The following SCD5 variants were observed in gnomAD, a reference collection of about 807,000 sequenced individuals.
SCD5 encodes acyl-CoA-desaturase 4.
In SCD5, 20 loss-of-function variants were observed where a neutral mutation model predicts 30.4. The observed-to-expected ratio is 0.66, with a 90% CI of 0.46 to 0.96. The LOEUF (loss-of-function observed/expected upper bound fraction) is 0.96. Ranked by LOEUF, SCD5 falls within the 40% of genes least tolerant of loss-of-function variation. SCD5 has a pLI of 0.00. For missense variants in SCD5, 381 were observed against 443.3 expected, an observed-to-expected ratio of 0.86 and a Z score of 1.26; for synonymous variants, 173 against 176.4, an observed-to-expected ratio of 0.98 and a Z score of 0.16.
chr4:82,747,069 G>GCCCCCCCCCCCCCCC lies in SCD5; in HGVS notation c.233-41657_233-41656insGGGGGGGGGGGGGGG, dbSNP rs151046123. On this transcript the variant is annotated intron_variant, in intron 1 of 4. Transcript: ENST00000319540. ...AGTTAGAGAAAAGTCTGGGCAACCT[G>GCCCCCCCCCCCCCCC]CCCCCCAAGAAAGACGACCTTCCCA... is the stretch of plus-strand genomic sequence containing the variant. 1.4e-4 allele frequency among the ~76,000 whole-genome samples: 20 copies of GCCCCCCCCCCCCCCC among 139,648 alleles called. 2 individuals carry two copies. Among genetic ancestry groups the GCCCCCCCCCCCCCCC allele is most frequent in the Non-Finnish European group, 2.6e-4 (16 of 61,846 alleles). 91.6% of individuals were successfully genotyped at this position (139,648 alleles called of 152,430 possible).
rs1261060335 is a variant in SCD5 at position 82,630,579 on chromosome 4, C to T, written c.*748G>A. 1 of 152,144 alleles carries T rather than the reference C, an allele frequency of 6.6e-6. No homozygotes were observed. The highest frequency in any genetic ancestry group is 1.5e-5 in the Non-Finnish European group (1 of 68,030). The allele number at this position is 152,144 out of a possible 1,614,324, so 9.4% of individuals were successfully genotyped here. A position where few individuals can be genotyped will look rare whatever the true frequency, so the allele number is the denominator to read the frequency against. ...AGCATCATGTTCAAGCACATGACAACGTATATTTGACGTATTTTAGCTATA... is the reference window on the plus strand; with the variant it reads ...AGCATCATGTTCAAGCACATGACAATGTATATTTGACGTATTTTAGCTATA... On this transcript the variant is annotated 3_prime_UTR_variant, in exon 5 of 5. Coordinates refer to ENST00000319540, the MANE Select transcript of SCD5 (RefSeq NM_001037582.3).
At chr4:82,783,167 C>T (rs921442703) in intron 1 of SCD5, among the ~76,000 whole-genome samples, 1 of 152,206 alleles carries the variant, frequency 6.6e-6, no homozygotes, top group African/African-American at 2.4e-5. Context: ...ACACTGTGCA[C>T]TTCAGTACAA....
chr4:82,671,364 A>C (rs1448116242), intron 3 of SCD5, among the ~76,000 whole-genome samples: 3 of 152,204 alleles, frequency 2.0e-5, no homozygotes, highest in Non-Finnish European at 1.5e-5. Context: ...GACATAGTTA[A>C]ATTCAACAAC....
At chr4:82,660,617 A>AC (rs1055923648) in intron 3 of SCD5, 1 of 1,333,764 alleles carries the variant, frequency 7.5e-7, no homozygotes, top group Admixed American at 3.2e-5. Flanking sequence ...TATCATTATT[A>AC]CCCTGCTCTA....
chr4:82,676,398 C>T (rs900194439), intron 3 of SCD5, among the ~76,000 whole-genome samples: 2 of 152,200 alleles, frequency 1.3e-5, no homozygotes, highest in Admixed American at 1.3e-4. Context: ...TTGCAGGTTT[C>T]AAGCTAGGAG....
At chr4:82,723,633 C>A (rs1031506236) in intron 1 of SCD5, among the ~76,000 whole-genome samples, 21 of 152,310 alleles carry the variant, frequency 1.4e-4, no homozygotes, top group Admixed American at 3.3e-4. Context: ...TTGACACCTT[C>A]TGATGATGAA....
intron 1 of SCD5, among the ~76,000 whole-genome samples, chr4:82,728,637 G>A (rs958147537): frequency 2.0e-5 from 3 of 152,036 alleles, no homozygotes; most frequent in African/African-American, 7.3e-5. Flanking sequence ...CAGACTCAGT[G>A]CAAAAGGACC....
At chr4:82,638,716 G>C (rs1727481719) in intron 3 of SCD5, among the ~76,000 whole-genome samples, 1 of 152,160 alleles carries the variant, frequency 6.6e-6, no homozygotes, top group Non-Finnish European at 1.5e-5. Flanking sequence ...CAAACAGCTG[G>C]GGTGAAAAGC....
intron 1 of SCD5, among the ~76,000 whole-genome samples, chr4:82,713,455 T>C (rs989134445): frequency 1.3e-5 from 2 of 152,246 alleles, no homozygotes; most frequent in African/African-American, 4.8e-5. Flanking sequence ...AGATTTTGGA[T>C]CGTTCCAGGA....
At chr4:82,705,150 C>G (rs1719941110) in intron 2 of SCD5, 133 bp downstream of exon 2, 2 of 1,136,976 alleles carry the variant, frequency 1.8e-6, no homozygotes, top group Admixed American at 2.4e-5. Context: ...AAACTTGGGA[C>G]AGACTGGGCG....
At chr4:82,663,263 G>C (rs181148512) in intron 3 of SCD5, among the ~76,000 whole-genome samples, 2 of 152,190 alleles carry the variant, frequency 1.3e-5, no homozygotes. Context: ...TACCACACAA[G>C]TAGATAAGAA....
intron 1 of SCD5, among the ~76,000 whole-genome samples, chr4:82,797,579 A>C (rs146994118): frequency 1.1e-3 from 164 of 151,906 alleles, no homozygotes; most frequent in African/African-American, 3.6e-3. Flanking sequence ...GCCACATGGG[A>C]ACAGGGTTTG....
At chr4:82,663,483 A>T (rs188797052) in intron 3 of SCD5, among the ~76,000 whole-genome samples, 1 of 152,308 alleles carries the variant, frequency 6.6e-6, no homozygotes, top group African/African-American at 2.4e-5. Flanking sequence ...GCTACTGGCA[A>T]CAAGAACAAA....
intron 1 of SCD5, among the ~76,000 whole-genome samples, chr4:82,738,660 T>C (rs900268096): frequency 6.6e-6 from 1 of 152,208 alleles, no homozygotes; most frequent in Non-Finnish European, 1.5e-5. Context: ...GAGAGGATCC[T>C]GGTAGACCAT....
At chr4:82,631,554 C>A in intron 4 of SCD5, 37 bp from the exon 5 acceptor site, 1 of 1,598,604 alleles carries the variant, frequency 6.3e-7, no homozygotes. Flanking sequence ...AATTCAATCA[C>A]CACCTCTCTG....
intron 3 of SCD5, among the ~76,000 whole-genome samples, chr4:82,640,023 G>GGCCCCAGGCACAGGGAGGTGCCGTGGC (rs1727508800): frequency 6.6e-6 from 1 of 152,186 alleles, no homozygotes; most frequent in Admixed American, 6.5e-5. Flanking sequence ...GAGTCATGAA[G>GGCCCCAGGCACAGGGAGGTGCCGTGGC]GCCCCAGGCA....
At chr4:82,691,071 G>A (rs1402234780) in intron 2 of SCD5, among the ~76,000 whole-genome samples, 1 of 152,182 alleles carries the variant, frequency 6.6e-6, no homozygotes, top group East Asian at 1.9e-4. Flanking sequence ...TGTCATCCAA[G>A]CTGGAGTGCA....
chr4:82,747,906 G>T (rs1257162549), intron 1 of SCD5, among the ~76,000 whole-genome samples: 5 of 152,216 alleles, frequency 3.3e-5, no homozygotes, highest in African/African-American at 1.2e-4. Flanking sequence ...CAGACCTATG[G>T]AATCAGGAAG....
At chr4:82,733,307 A>G (rs1720681666) in intron 1 of SCD5, among the ~76,000 whole-genome samples, 1 of 152,142 alleles carries the variant, frequency 6.6e-6, no homozygotes, top group African/African-American at 2.4e-5. Context: ...CAGGCAAGCT[A>G]GCTCTGGTGC....
Sources: gnomAD v4.1 joint callset for allele counts (sites outside exome capture counted in the v4.1 genomes callset) on GRCh38, gnomAD v4.1.1 for gene constraint, MANE v1.5 for transcripts, NCBI Gene and HGNC (gene_info 2026-07-23, HGNC 2026-07-21) for gene names.